Variants in ALPP observed in about 807,000 individuals in gnomAD.
The protein encoded by ALPP is alkaline phosphatase, placental.
In ALPP, 39 loss-of-function variants were observed where a neutral mutation model predicts 50.7. The ratio of observed to expected loss-of-function variants is 0.77; its 90% CI spans 0.60 to 1.00. ALPP has a LOEUF of 1.00. Ranked by LOEUF, ALPP falls within the 50% of genes least tolerant of loss-of-function variation. The pLI, the probability that ALPP is intolerant of heterozygous loss-of-function variation, is 0.00. For missense variants in ALPP, 550 were observed against 746.8 expected (o/e 0.74, Z 3.07); for synonymous variants, 226 against 320.3 (o/e 0.71, Z 3.14).
In ALPP at chr2:232,382,094, G is replaced by T. The variant is rs1401280258; in HGVS notation, c.*299G>T. 5.5e-6 allele frequency: 3 copies of T among 548,414 alleles called. No homozygotes were observed. The highest frequency in any genetic ancestry group is 9.6e-6 in the Non-Finnish European group (3 of 311,338). The allele number at this position is 548,414 out of a possible 1,614,324, so 34.0% of individuals were successfully genotyped here. On this transcript the variant is annotated 3_prime_UTR_variant, in exon 11 of 11. Coordinates refer to ENST00000392027, the MANE Select transcript of ALPP (RefSeq NM_001632.5). ...CCATCCAGCCACCACCTACAGCCCA[G>T]TGGGTACCAGGCAGGCTCCCTTCCT...
chr2:232,378,857 C>T lies in ALPP; in HGVS notation c.55C>T (p.Leu19Phe). The change falls in exon 1 of 11, where the codon CTC (leucine) becomes TTC (phenylalanine). Residue 19 changes from leucine to phenylalanine, a missense_variant. Leu to Phe is a conservative substitution (Grantham distance 22). This residue lies in a region of ALPP where 376 missense variants were observed against 388.5 expected (regional missense o/e 0.97). Transcript: ENST00000392027. The stretch of plus-strand genomic sequence containing the variant: ...GCTGCTGCTGGGCCTGAGGCTACAG[C>T]TCTCCCTGGGCATCATCCCAGGTAA... Reference protein sequence around the residue: ...LLLLLGLRLQLSLGIIPVEEE... With the variant: ...LLLLLGLRLQFSLGIIPVEEE... 6.2e-7 allele frequency: 1 copy of T among 1,614,040 alleles called. No individual in the cohort carries two copies. Among genetic ancestry groups the T allele is most frequent in the Non-Finnish European group, 8.5e-7 (1 of 1,180,030 alleles).
Position 232,382,052 on chromosome 2 carries a change from A to G in ALPP, c.*257A>G, listed in dbSNP as rs1696728266. The G allele has an allele frequency of 1.6e-6, 1 of 636,220 alleles. No homozygotes were observed. Among genetic ancestry groups the G allele is most frequent in the African/African-American group, 1.8e-5 (1 of 54,188 alleles). The allele number at this position is 636,220 out of a possible 1,614,324, so 39.4% of individuals were successfully genotyped here. ...GCCCTGTGGCTGCCTGCACCCCAGG[A>G]AAGGAGGGGGCTCAGGCCATCCAGC... On this transcript the variant is annotated 3_prime_UTR_variant, in exon 11 of 11. Coordinates refer to ENST00000392027, the MANE Select transcript of ALPP (RefSeq NM_001632.5).
chr2:232,379,213 T>C lies in ALPP; in HGVS notation c.207T>C (p.Ser69=), dbSNP rs1425550118. ...IIFLGDGMGV[S]TVTAARILKG... ...CTGTTCCTTCAGGGATGGGGGTGTC[T>C]ACGGTGACAGCTGCCAGGATCCTAA... is the stretch of plus-strand genomic sequence containing the variant. The change falls in exon 3 of 11, where the codon TCT becomes TCC. Residue 69 remains serine (S), a synonymous_variant. Transcript: ENST00000392027. The C allele has an allele frequency of 1.9e-6, 3 of 1,614,040 alleles. No individual in the cohort carries two copies. The highest frequency in any genetic ancestry group is 1.7e-5 in the Admixed American group (1 of 60,006).
At chr2:232,381,166 C>G in intron 9 of ALPP, 85 bp from the exon 10 acceptor site, 1 of 1,606,582 alleles carries the variant, frequency 6.2e-7, no homozygotes, top group Non-Finnish European at 8.5e-7. Flanking sequence ...AAGCCCCTGA[C>G]CAGGCAAAAC....
chr2:232,381,193 C>T, intron 9 of ALPP, 58 bp from the exon 10 acceptor site: 3 of 1,608,462 alleles, frequency 1.9e-6, no homozygotes, highest in Non-Finnish European at 2.5e-6. Flanking sequence ...GTGCCTAGCA[C>T]GTGGGAGACA....
chr2:232,382,056 G>A lies in ALPP; in HGVS notation c.*261G>A. The A allele has an allele frequency of 1.6e-6, 1 of 630,826 alleles. No individual in the cohort carries two copies. The highest frequency in any genetic ancestry group is 2.1e-5 in the South Asian group (1 of 48,402). The allele number at this position is 630,826 out of a possible 1,614,324, so 39.1% of individuals were successfully genotyped here. A position where few individuals can be genotyped will look rare whatever the true frequency, so the allele number is the denominator to read the frequency against. On this transcript the variant is annotated 3_prime_UTR_variant, in exon 11 of 11. Coordinates refer to ENST00000392027, the MANE Select transcript of ALPP (RefSeq NM_001632.5). ...TGTGGCTGCCTGCACCCCAGGAAAG[G>A]AGGGGGCTCAGGCCATCCAGCCACC... is the stretch of plus-strand genomic sequence containing the variant.
rs770931424 is a variant in ALPP, at chr2:232,379,804, CGCCTCGCCA to C, written c.529_537del (p.Ser177_Ala179del). On this transcript the variant is annotated inframe_deletion, in exon 5 of 11. Coordinates refer to ENST00000392027, the MANE Select transcript of ALPP (RefSeq NM_001632.5). ...TGGTAACCACCACACGAGTGCAGCA[CGCCTCGCCA>C]GCCGGCACCTACGCCCACACGGTGA... The C allele has an allele frequency of 1.1e-5, 18 of 1,613,756 alleles. No homozygotes were observed. The African/African-American group carries it at 2.3e-4, about 20-fold the overall frequency.
At chr2:232,379,336 G>C in intron 3 of ALPP, 21 bp downstream of exon 3, 1 of 1,613,288 alleles carries the variant, frequency 6.2e-7, no homozygotes, top group Non-Finnish European at 8.5e-7. Context: ...GGCTACCTTA[G>C]AGTCCTCCAA....
rs1282499784 is a variant in ALPP at position 232,380,454 on chromosome 2, T to G, written c.827T>G (p.Met276Arg). Residue 276 changes from methionine to arginine, a missense_variant, in exon 7 of 11, where the codon ATG becomes AGG. Coordinates refer to ENST00000392027, the MANE Select transcript of ALPP (RefSeq NM_001632.5). ...TATGTGTGGAACCGCACTGAGCTCA[T>G]GCAGGCTTCCCTGGACCCGTCTGTG... is the stretch of plus-strand genomic sequence containing the variant. ...ARYVWNRTEL[M>R]QASLDPSVTH... The G allele has an allele frequency of 6.2e-7, 1 of 1,613,894 alleles. No homozygotes were observed. The highest frequency in any genetic ancestry group is 1.1e-5 in the South Asian group (1 of 91,038).
In ALPP at chr2:232,381,736, G is replaced by A. The variant is rs772045595; in HGVS notation, c.1549G>A (p.Ala517Thr). 5.6e-6 allele frequency: 9 copies of A among 1,598,990 alleles called. No homozygotes were observed. The Admixed American group carries it at 1.2e-4, about 21-fold the overall frequency. The change falls in exon 11 of 11, where the codon GCG becomes ACG. Residue 517 changes from alanine (A) to threonine (T), a missense_variant. Coordinates refer to ENST00000392027, the MANE Select transcript of ALPP (RefSeq NM_001632.5). ...GCACCCGGGGCGGTCCGTGGTCCCC[G>A]CGTTGCTTCCTCTGCTGGCCGGGAC... is the stretch of plus-strand genomic sequence containing the variant. ...AAHPGRSVVP[A>T]LLPLLAGTLL...
Position 232,381,958 on chromosome 2 carries a change from C to G in ALPP, c.*163C>G. ...TCCCCGTGCGCTCTGGGGACTGAGC[C>G]CATGACACCAAACCTGCCCCTTGGC... On this transcript the variant is annotated 3_prime_UTR_variant, in exon 11 of 11. Transcript: ENST00000392027. 2 of 1,163,692 alleles carry G rather than the reference C, an allele frequency of 1.7e-6. No individual in the cohort carries two copies. The highest frequency in any genetic ancestry group is 2.4e-6 in the Non-Finnish European group (2 of 850,708). The allele number at this position is 1,163,692 out of a possible 1,614,324, so 72.1% of individuals were successfully genotyped here.
chr2:232,381,268 G>A lies in ALPP; in HGVS notation c.1210G>A (p.Ala404Thr). 2 of 1,613,774 alleles carry A rather than the reference G, an allele frequency of 1.2e-6. No homozygotes were observed. Among genetic ancestry groups the A allele is most frequent in the South Asian group, 2.2e-5 (2 of 91,040 alleles). The change falls in exon 10 of 11, where the codon GCC becomes ACC. Residue 404 changes from alanine to threonine, a missense_variant. Ala to Thr is a moderately conservative substitution (Grantham distance 58, BLOSUM62 0). This residue lies in a region of ALPP where 9 missense variants were observed against 28.9 expected (regional missense o/e 0.31). Coordinates refer to ENST00000392027, the MANE Select transcript of ALPP (RefSeq NM_001632.5). ...CTCTGCAGGGCTGGCCCCTGGCAAG[G>A]CCCGGGACAGGAAGGCCTACACGGT... ...SSIFGLAPGK[A>T]RDRKAYTVLL...
At position 232,381,983 on chromosome 2, in the gene ALPP, C is replaced by G. The variant is rs965281700; in HGVS notation, c.*188C>G. 91 of 986,516 alleles carry G rather than the reference C, an allele frequency of 9.2e-5. No individual in the cohort carries two copies. Among genetic ancestry groups the G allele is most frequent in the Non-Finnish European group, 1.1e-4 (77 of 691,304 alleles). 61.1% of individuals were successfully genotyped at this position (986,516 alleles called of 1,614,324 possible). ...CCATGACACCAAACCTGCCCCTTGG[C>G]TGCTCTCGGACTCCCTACCCCAACC... On this transcript the variant is annotated 3_prime_UTR_variant, in exon 11 of 11. Coordinates refer to ENST00000392027, the MANE Select transcript of ALPP (RefSeq NM_001632.5).
At chr2:232,378,900 C>T (rs549877116) in intron 1 of ALPP, 22 bp downstream of exon 1, 1 of 1,611,760 alleles carries the variant, frequency 6.2e-7, no homozygotes, top group East Asian at 2.2e-5. Context: ...CCCCGAGCTG[C>T]CCCTACACAA....
In ALPP at chr2:232,380,375, G is replaced by T. The variant is rs1400787693; in HGVS notation, c.793-45G>T. 3.7e-6 allele frequency: 6 copies of T among 1,613,014 alleles called. No individual in the cohort carries two copies. The Admixed American group carries it at 1.0e-4, about 27-fold the overall frequency. On this transcript the variant is annotated intron_variant, in intron 6 of 10. Coordinates refer to ENST00000392027, the MANE Select transcript of ALPP (RefSeq NM_001632.5). Reference sequence around the variant, plus strand: ...CAGCAGGGGGAGGGCAGAGGTGTGGGGCTCAGGGCTGTGGGCTGAGGCCTG... The same window carrying T: ...CAGCAGGGGGAGGGCAGAGGTGTGGTGCTCAGGGCTGTGGGCTGAGGCCTG...
At position 232,382,656 on chromosome 2, in the gene ALPP, G is replaced by A. The variant is rs990725175; in HGVS notation, c.*861G>A. On this transcript the variant is annotated 3_prime_UTR_variant, in exon 11 of 11. Coordinates refer to ENST00000392027, the MANE Select transcript of ALPP (RefSeq NM_001632.5). ...AGGTGGGCGGATCACGAGGTCAGGA[G>A]ATGGAGACCATCCTGGCTAACACGG... 3.3e-5 allele frequency: 5 copies of A among 152,282 alleles called. No individual in the cohort carries two copies. Among genetic ancestry groups the A allele is most frequent in the East Asian group, 1.9e-4 (1 of 5,184 alleles). The allele number at this position is 152,282 out of a possible 1,614,324, so 9.4% of individuals were successfully genotyped here. A position where few individuals can be genotyped will look rare whatever the true frequency, so the allele number is the denominator to read the frequency against.
Position 232,382,790 on chromosome 2 carries a change from T to C in ALPP, c.*995T>C, listed in dbSNP as rs1010415258. 5 of 152,158 alleles carry C rather than the reference T, an allele frequency of 3.3e-5. No individual in the cohort carries two copies. Among genetic ancestry groups the C allele is most frequent in the Admixed American group, 1.3e-4 (2 of 15,282 alleles). The allele number at this position is 152,158 out of a possible 1,614,324, so 9.4% of individuals were successfully genotyped here. A position where few individuals can be genotyped will look rare whatever the true frequency, so the allele number is the denominator to read the frequency against. On this transcript the variant is annotated 3_prime_UTR_variant, in exon 11 of 11. Transcript: ENST00000392027. ...TTGCAGTGAGCCGAGGTCATGCCAC[T>C]GCACTGCAGCCTGGGCGACAGAGCG...
At position 232,379,867 on chromosome 2, in the gene ALPP, G is replaced by A; in HGVS notation, c.588G>A (p.Val196=). Residue 196 remains valine, a synonymous_variant, in exon 5 of 11, where the codon GTG becomes GTA. Coordinates refer to ENST00000392027, the MANE Select transcript of ALPP (RefSeq NM_001632.5). ...VNRNWYSDAD[V]PASARQEGCQ... The stretch of plus-strand genomic sequence containing the variant: ...GCAACTGGTACTCGGACGCCGACGT[G>A]CCTGCCTCCGCCCGCCAGGAGGGGT... 3 of 1,613,248 alleles carry A rather than the reference G, an allele frequency of 1.9e-6. No homozygotes were observed. The East Asian group carries it at 6.7e-5, about 36-fold the overall frequency.
Position 232,382,085 on chromosome 2 carries a change from T to G in ALPP, c.*290T>G. 1.8e-6 allele frequency: 1 copy of G among 563,768 alleles called. No homozygotes were observed. Among genetic ancestry groups the G allele is most frequent in the Non-Finnish European group, 3.1e-6 (1 of 320,006 alleles). 34.9% of individuals were successfully genotyped at this position (563,768 alleles called of 1,614,324 possible). ...GGGCTCAGGCCATCCAGCCACCACCTACAGCCCAGTGGGTACCAGGCAGGC... is the reference window on the plus strand; with the variant it reads ...GGGCTCAGGCCATCCAGCCACCACCGACAGCCCAGTGGGTACCAGGCAGGC... On this transcript the variant is annotated 3_prime_UTR_variant, in exon 11 of 11. Coordinates refer to ENST00000392027, the MANE Select transcript of ALPP (RefSeq NM_001632.5).
Sources: gnomAD v4.1 joint callset for allele counts on GRCh38, gnomAD v4.1.1 for gene constraint, gnomAD v4.1.1 regional missense constraint, MANE v1.5 for transcripts, NCBI Gene and HGNC (gene_info 2026-07-23, HGNC 2026-07-21) for gene names.